The following DPY19L4 variants were observed in gnomAD, a reference collection of about 807,000 sequenced individuals.
DPY19L4 encodes the protein dpy-19 like 4.
A neutral mutation model predicts 102.8 loss-of-function variants in DPY19L4; 97 were observed. The ratio of observed to expected loss-of-function variants is 0.94; its 90% CI spans 0.80 to 1.12. The LOEUF (loss-of-function observed/expected upper bound fraction) is 1.12. Ranked by LOEUF, DPY19L4 falls within the 50% of genes most tolerant of loss-of-function variation. DPY19L4 has a pLI of 0.00. For synonymous variants in DPY19L4, 252 were observed against 283.1 expected (o/e 0.89, Z 1.10); for missense variants, 815 against 850.4 (o/e 0.96, Z 0.52).
chr8:94,739,506 G>A lies in DPY19L4; in HGVS notation c.437G>A (p.Ser146Asn). Residue 146 changes from serine (S) to asparagine (N), a missense_variant, in exon 5 of 19, where the codon AGC (serine) becomes AAC (asparagine). By Grantham distance (46) the Ser-to-Asn change is conservative. Coordinates refer to ENST00000414645, the MANE Select transcript of DPY19L4 (RefSeq NM_181787.3). ...QMSLYPELIA[S>N]ILYQATGSNE... ...TCTCTGTATCCGGAACTTATTGCTAGCATTTTATATCAAGCCACTGGTAGC... is the reference window on the plus strand; with the variant it reads ...TCTCTGTATCCGGAACTTATTGCTAACATTTTATATCAAGCCACTGGTAGC... 1 of 1,607,250 alleles carries A rather than the reference G, an allele frequency of 6.2e-7. No individual in the cohort carries two copies. Among genetic ancestry groups the A allele is most frequent in the Non-Finnish European group, 8.5e-7 (1 of 1,178,270 alleles).
chr8:94,728,406 T>C (rs1004875749), intron 2 of DPY19L4, among the ~76,000 whole-genome samples: 3 of 152,254 alleles, frequency 2.0e-5, no homozygotes, highest in Non-Finnish European at 4.4e-5. Context: ...GTCCTTGATT[T>C]TACACTCTAG....
intron 17 of DPY19L4, among the ~76,000 whole-genome samples, chr8:94,785,327 G>A (rs1813608786): frequency 6.6e-6 from 1 of 152,118 alleles, no homozygotes; most frequent in Admixed American, 6.6e-5. Context: ...CACACACAAG[G>A]TACAAAGAGG....
intron 17 of DPY19L4, among the ~76,000 whole-genome samples, chr8:94,784,879 A>G (rs1813591067): frequency 3.9e-5 from 6 of 152,250 alleles, no homozygotes; most frequent in Admixed American, 3.9e-4. Flanking sequence ...TTAGAATGGT[A>G]TCTAATTAAT....
chr8:94,723,025 T>C (rs1810535987), intron 1 of DPY19L4, among the ~76,000 whole-genome samples: 1 of 152,252 alleles, frequency 6.6e-6, no homozygotes, highest in African/African-American at 2.4e-5. Flanking sequence ...CTGCTATGTC[T>C]AGCCTGGATA....
At chr8:94,732,901 C>T (rs1811027664) in intron 2 of DPY19L4, among the ~76,000 whole-genome samples, 1 of 149,370 alleles carries the variant, frequency 6.7e-6, no homozygotes, top group East Asian at 1.9e-4. Flanking sequence ...ACCTCTGCCT[C>T]CTGGGCTAAA....
rs1479304189 is a variant in DPY19L4 at position 94,790,835 on chromosome 8, ATGT to A, written c.*930_*932del. 6.6e-6 allele frequency: 1 copy of A among 152,130 alleles called. No individual in the cohort carries two copies. The highest frequency in any genetic ancestry group is 1.5e-5 in the Non-Finnish European group (1 of 67,966). The allele number at this position is 152,130 out of a possible 1,614,324, so 9.4% of individuals were successfully genotyped here. ...CAACAATTTCTGGGGATACATGCAG[ATGT>A]TGTTAAACGTACCTCTGCATACAGA... On this transcript the variant is annotated 3_prime_UTR_variant, in exon 19 of 19. Coordinates refer to ENST00000414645, the MANE Select transcript of DPY19L4 (RefSeq NM_181787.3).
chr8:94,789,439 A>G (rs886114498), intron 18 of DPY19L4, among the ~76,000 whole-genome samples: 1 of 152,208 alleles, frequency 6.6e-6, no homozygotes, highest in Non-Finnish European at 1.5e-5. Context: ...GGTAGGGTGC[A>G]TGATAAGGTC....
chr8:94,786,101 T>A (rs1187913710), intron 17 of DPY19L4, among the ~76,000 whole-genome samples: 1 of 152,196 alleles, frequency 6.6e-6, no homozygotes, highest in Non-Finnish European at 1.5e-5. Context: ...ACTCCATAAA[T>A]GAGACCATAT....
chr8:94,785,929 G>A (rs1813632434), intron 17 of DPY19L4, among the ~76,000 whole-genome samples: 1 of 152,092 alleles, frequency 6.6e-6, no homozygotes, highest in Non-Finnish European at 1.5e-5. Context: ...TTAGGTCAGA[G>A]TTCTATTTAG....
Position 94,789,873 on chromosome 8 carries a change from T to C in DPY19L4, c.2135T>C (p.Val712Ala), listed in dbSNP as rs1206411555. 10 of 1,604,548 alleles carry C rather than the reference T, an allele frequency of 6.2e-6. No individual in the cohort carries two copies. The African/African-American group carries it at 1.3e-4, about 22-fold the overall frequency. The stretch of plus-strand genomic sequence containing the variant: ...GTATACTGGAACAGATCCTACTTTG[T>C]ATATAAAATCAACACTGTGATATCC... ...TRVYWNRSYF[V>A]YKINTVISFQ... The change falls in exon 19 of 19, where the codon GTA (valine) becomes GCA (alanine). Residue 712 changes from valine to alanine, a missense_variant. Coordinates refer to ENST00000414645, the MANE Select transcript of DPY19L4 (RefSeq NM_181787.3).
chr8:94,738,248 G>T, intron 3 of DPY19L4, 121 bp from the exon 4 acceptor site: 1 of 251,758 alleles, frequency 4.0e-6, no homozygotes. Context: ...GAACCTACGA[G>T]GCGGAGGTTG....
At chr8:94,732,373 A>G (rs1005053885) in intron 2 of DPY19L4, among the ~76,000 whole-genome samples, 8 of 152,044 alleles carry the variant, frequency 5.3e-5, no homozygotes, top group African/African-American at 1.9e-4. Flanking sequence ...TACAAAATCC[A>G]AATGTGTCTT....
intron 9 of DPY19L4, 77 bp from the exon 10 acceptor site, chr8:94,765,634 C>A: frequency 8.9e-7 from 1 of 1,126,066 alleles, no homozygotes; most frequent in Non-Finnish European, 1.3e-6. Flanking sequence ...CTGTGCTCGG[C>A]CATTCTTATG....
chr8:94,768,463 G>A lies in DPY19L4; in HGVS notation c.1244G>A (p.Arg415Gln), dbSNP rs141828008. ...LQAPSQDFFL[R>Q]LTQSSLLPFY... The stretch of plus-strand genomic sequence containing the variant: ...GCACCATCTCAAGATTTTTTTCTGC[G>A]ATTGACACAGTCTTCTTTATTACCT... Residue 415 changes from arginine (R) to glutamine (Q), a missense_variant, in exon 12 of 19, where the codon CGA becomes CAA. By Grantham distance (43) the Arg-to-Gln change is conservative. Coordinates refer to ENST00000414645, the MANE Select transcript of DPY19L4 (RefSeq NM_181787.3). 36 of 1,606,298 alleles carry A rather than the reference G, an allele frequency of 2.2e-5. 1 individual carries two copies. The highest frequency in any genetic ancestry group is 3.4e-5 in the Admixed American group (2 of 59,114).
At chr8:94,738,513 TTTC>T in intron 4 of DPY19L4, 54 bp downstream of exon 4, 5 of 1,190,718 alleles carry the variant, frequency 4.2e-6, no homozygotes, top group South Asian at 3.1e-5. Context: ...TTTCTTTTCT[TTTC>T]TTTTTTTTTT....
chr8:94,780,541 G>A (rs1283101812), intron 15 of DPY19L4, 126 bp downstream of exon 15: 18 of 611,010 alleles, frequency 2.9e-5, no homozygotes, highest in Non-Finnish European at 4.3e-5. Flanking sequence ...AACATTCTTA[G>A]TAATGCTTAA....
intron 16 of DPY19L4, among the ~76,000 whole-genome samples, 200 bp downstream of exon 16, chr8:94,781,366 T>C (rs1253077561): frequency 3.3e-5 from 5 of 152,154 alleles, no homozygotes; most frequent in Admixed American, 3.3e-4. Flanking sequence ...AAATATAGCA[T>C]TGGTCGGTAT....
chr8:94,777,815 T>C (rs749889944), intron 14 of DPY19L4, 29 bp downstream of exon 14: 1 of 1,584,796 alleles, frequency 6.3e-7, no homozygotes, highest in South Asian at 1.1e-5. Flanking sequence ...TTGTTTCTCT[T>C]CTAATTATAT....
At chr8:94,764,614 A>G (rs1322486974) in intron 8 of DPY19L4, among the ~76,000 whole-genome samples, 2 of 141,626 alleles carry the variant, frequency 1.4e-5, no homozygotes, top group Non-Finnish European at 3.0e-5. Flanking sequence ...TAAGTTAATT[A>G]CACACTATTT....
Sources: gnomAD v4.1 joint callset for allele counts (sites outside exome capture counted in the v4.1 genomes callset) on GRCh38, gnomAD v4.1.1 for gene constraint, MANE v1.5 for transcripts, NCBI Gene and HGNC (gene_info 2026-07-23, HGNC 2026-07-21) for gene names.